Variants in ABTB2 observed in about 807,000 individuals in gnomAD.
ABTB2 encodes the protein ankyrin repeat and BTB domain containing 2.
A neutral mutation model predicts 104.1 loss-of-function variants in ABTB2; 56 were observed. That is an observed-to-expected ratio of 0.54 (90% CI 0.43 to 0.67). The LOEUF is 0.67. Among genes scored for constraint, ABTB2 ranks in the 30% least tolerant of loss-of-function variants. The pLI is 0.00. For synonymous variants in ABTB2, 606 were observed against 608.2 expected, an observed-to-expected ratio of 1.00 and a Z score of 0.05; for missense variants, 1,279 against 1,407.7, an observed-to-expected ratio of 0.91 and a Z score of 1.46.
chr11:34,295,250 C>T (rs1854608536), intron 1 of ABTB2, among the ~76,000 whole-genome samples: 1 of 152,064 alleles, frequency 6.6e-6, no homozygotes, highest in Non-Finnish European at 1.5e-5. Context: ...AATGATCCAG[C>T]AGAGAGGGGA....
chr11:34,226,411 G>A (rs1247266155), intron 1 of ABTB2, among the ~76,000 whole-genome samples: 1 of 152,100 alleles, frequency 6.6e-6, no homozygotes, highest in Non-Finnish European at 1.5e-5. Context: ...TGAGGAAGCT[G>A]CCTCCTTAAG....
chr11:34,317,609 CA>C (rs200564871), intron 1 of ABTB2, among the ~76,000 whole-genome samples: 4 of 151,636 alleles, frequency 2.6e-5, no homozygotes, highest in South Asian at 2.1e-4. Flanking sequence ...TCCATCTCCA[CA>C]AAAAAATACA....
At chr11:34,173,686 T>C (rs185248504) in intron 3 of ABTB2, among the ~76,000 whole-genome samples, 8 of 152,186 alleles carry the variant, frequency 5.3e-5, no homozygotes, top group Admixed American at 5.2e-4. Context: ...TGTGTGGAAT[T>C]GGGGACCTTT....
In ABTB2 at chr11:34,357,705, C is replaced by T; in HGVS notation, c.-122G>A. 1 of 1,123,634 alleles carries T rather than the reference C, an allele frequency of 8.9e-7. No homozygotes were observed. The highest frequency in any genetic ancestry group is 1.2e-6 in the Non-Finnish European group (1 of 860,144). The allele number at this position is 1,123,634 out of a possible 1,614,324, so 69.6% of individuals were successfully genotyped here. A position where few individuals can be genotyped will look rare whatever the true frequency, so the allele number is the denominator to read the frequency against. On this transcript the variant is annotated 5_prime_UTR_variant, in exon 1 of 17. Transcript: ENST00000435224. ...GCCACCCTCCTTCCTCTCTGCGTCG[C>T]GGGGCTCGGCGGCCGCATTGCCTGC...
intron 1 of ABTB2, among the ~76,000 whole-genome samples, chr11:34,231,808 A>T (rs11823895): frequency 2.3e-3 from 356 of 152,316 alleles, no homozygotes; most frequent in African/African-American, 8.1e-3. Context: ...TGATATGATG[A>T]GTATGACACT....
At chr11:34,209,296 C>T (rs551517997) in intron 1 of ABTB2, among the ~76,000 whole-genome samples, 34 of 151,848 alleles carry the variant, frequency 2.2e-4, no homozygotes, top group African/African-American at 8.2e-4. Context: ...GTGATGAGAA[C>T]GTGCCACTGC....
intron 3 of ABTB2, among the ~76,000 whole-genome samples, chr11:34,190,889 C>T (rs1853166224): frequency 6.6e-6 from 1 of 152,094 alleles, no homozygotes; most frequent in Non-Finnish European, 1.5e-5. Context: ...GGAGGAGACA[C>T]CATTTAATGA....
chr11:34,178,851 G>A (rs940581772), intron 3 of ABTB2, among the ~76,000 whole-genome samples: 8 of 152,048 alleles, frequency 5.3e-5, no homozygotes, highest in South Asian at 2.1e-4. Flanking sequence ...TGAGGTGGGC[G>A]GATTACTGGA....
Position 34,356,357 on chromosome 11 carries a change from A to G in ABTB2, c.883+344T>C, listed in dbSNP as rs1855464323. Among the ~76,000 whole-genome samples the G allele has an allele frequency of 1.3e-5, 2 of 152,344 alleles. No homozygotes were observed. Among genetic ancestry groups the G allele is most frequent in the South Asian group, 2.1e-4 (1 of 4,828 alleles). The stretch of plus-strand genomic sequence containing the variant: ...AAGACAGCAGCTAGAGACCTAGTCA[A>G]TCACGGTAAAGAGCCACGGGGCAGT... On this transcript the variant is annotated intron_variant, in intron 1 of 16. Coordinates refer to ENST00000435224, the MANE Select transcript of ABTB2 (RefSeq NM_145804.3). This position sits in a 1 kb window ranked among gnomAD's most constrained non-coding sequence, Gnocchi z 4.6.
At chr11:34,329,004 G>A (rs1186295525) in intron 1 of ABTB2, among the ~76,000 whole-genome samples, 1 of 152,226 alleles carries the variant, frequency 6.6e-6, no homozygotes, top group Non-Finnish European at 1.5e-5. Context: ...TAGAAGAGAA[G>A]TAACATTTAA....
intron 1 of ABTB2, among the ~76,000 whole-genome samples, chr11:34,293,353 G>A (rs1188038761): frequency 6.6e-6 from 1 of 152,120 alleles, no homozygotes; most frequent in Admixed American, 6.5e-5. Flanking sequence ...TGAGGGCAGC[G>A]TCCTGGCTGG....
At chr11:34,173,851 G>C (rs1431278979) in intron 3 of ABTB2, among the ~76,000 whole-genome samples, 1 of 152,188 alleles carries the variant, frequency 6.6e-6, no homozygotes, top group Non-Finnish European at 1.5e-5. Flanking sequence ...ACTCGAGTCT[G>C]GTTCTCCATC....
At chr11:34,168,265 G>A (rs1367054072) in intron 5 of ABTB2, among the ~76,000 whole-genome samples, 2 of 152,238 alleles carry the variant, frequency 1.3e-5, no homozygotes, top group African/African-American at 2.4e-5. Flanking sequence ...CTGCCATGGG[G>A]AGCTGTAAAC....
chr11:34,167,429 T>TTA, intron 6 of ABTB2, 69 bp from the exon 7 acceptor site: 1 of 1,242,984 alleles, frequency 8.0e-7, no homozygotes, highest in Middle Eastern at 1.9e-4. Flanking sequence ...GCAGGGATGG[T>TTA]GAACCAGAGT....
chr11:34,173,054 T>A (rs1852906000), intron 4 of ABTB2, 101 bp downstream of exon 4: 9 of 1,473,928 alleles, frequency 6.1e-6, no homozygotes, highest in Non-Finnish European at 8.3e-6. Flanking sequence ...CAGCCCCTGC[T>A]CTCTGACCCC....
At chr11:34,334,384 T>C (rs1855168035) in intron 1 of ABTB2, among the ~76,000 whole-genome samples, 1 of 152,140 alleles carries the variant, frequency 6.6e-6, no homozygotes, top group Non-Finnish European at 1.5e-5. Context: ...TCAGAGCATT[T>C]TGCACAGATG....
In ABTB2 at chr11:34,154,894, C is replaced by G; in HGVS notation, c.2698-125G>C. On this transcript the variant is annotated intron_variant, in intron 14 of 16. Coordinates refer to ENST00000435224, the MANE Select transcript of ABTB2 (RefSeq NM_145804.3). The surrounding 1 kb of genome is among the most constrained non-coding windows in gnomAD (Gnocchi z 4.9). ...CCTGTCCCTCTGCAGGTCCCCAGCT[C>G]TGTCTCTCCCTCCCTCTCCTGCTCA... The G allele has an allele frequency of 2.4e-6, 2 of 845,058 alleles. No homozygotes were observed. The highest frequency in any genetic ancestry group is 3.8e-6 in the Non-Finnish European group (2 of 526,734). 52.3% of individuals were successfully genotyped at this position (845,058 alleles called of 1,614,324 possible).
chr11:34,301,553 A>T (rs1387575768), intron 1 of ABTB2, among the ~76,000 whole-genome samples: 1 of 152,242 alleles, frequency 6.6e-6, no homozygotes, highest in Non-Finnish European at 1.5e-5. Context: ...AGAATAGATA[A>T]ATGCTGTTGA....
At chr11:34,277,835 G>A (rs1221932047) in intron 1 of ABTB2, among the ~76,000 whole-genome samples, 1 of 132,120 alleles carries the variant, frequency 7.6e-6, no homozygotes, top group Non-Finnish European at 1.6e-5. Context: ...ATGGAGTCGT[G>A]CTCTTGTTGC....
Sources: allele counts gnomAD v4.1 joint callset (sites outside exome capture counted in the v4.1 genomes callset), GRCh38; gene constraint gnomAD v4.1.1; non-coding constraint Gnocchi (gnomAD v3.1); transcripts MANE v1.5; gene names NCBI Gene and HGNC (gene_info 2026-07-23, HGNC 2026-07-21).